EYS: variants seen among roughly 807,000 people sequenced by gnomAD.
The protein encoded by EYS is EGF-like photoreceptor maintenance factor.
In EYS, 250 loss-of-function variants were observed where a neutral mutation model predicts 282.1. That is an observed-to-expected ratio of 0.89 (90% CI 0.80 to 0.98). The LOEUF is 0.98. Among genes scored for constraint, EYS ranks in the 50% least tolerant of loss-of-function variants. The pLI, the probability that EYS is intolerant of heterozygous loss-of-function variation, is 0.00. For synonymous variants in EYS, 1,355 were observed against 1,282.9 expected (o/e 1.06, Z -1.20); for missense variants, 4,016 against 3,709.0 (o/e 1.08, Z -2.15).
intron 31 of EYS, among the ~76,000 whole-genome samples, chr6:64,176,495 A>G (rs1013982005): frequency 1.3e-5 from 2 of 150,194 alleles, no homozygotes; most frequent in Non-Finnish European, 3.0e-5. Flanking sequence ...TTAACATATC[A>G]CGATTGTGTG....
chr6:65,206,833 G>C (rs1331136562), intron 12 of EYS, among the ~76,000 whole-genome samples: 1 of 151,706 alleles, frequency 6.6e-6, no homozygotes, highest in Non-Finnish European at 1.5e-5. Context: ...ATTTCTTCAA[G>C]ATGAAAACCC....
chr6:64,672,455 G>A (rs1769497884), intron 22 of EYS, among the ~76,000 whole-genome samples: 1 of 152,048 alleles, frequency 6.6e-6, no homozygotes, highest in Non-Finnish European at 1.5e-5. Flanking sequence ...AGGTATAATG[G>A]GATTTGAACC....
chr6:63,799,926 C>G (rs558544019), intron 37 of EYS, among the ~76,000 whole-genome samples: 1 of 152,146 alleles, frequency 6.6e-6, no homozygotes, highest in African/African-American at 2.4e-5. Context: ...GTGGACTGAA[C>G]GAGAGCGATG....
chr6:65,636,465 A>G (rs1486820471), intron 2 of EYS, among the ~76,000 whole-genome samples: 1 of 152,202 alleles, frequency 6.6e-6, no homozygotes, highest in Non-Finnish European at 1.5e-5. Context: ...CCAACTAGCT[A>G]CATGGATATC....
At chr6:65,300,751 C>A (rs572415395) in intron 11 of EYS, 203 of 152,356 alleles carry the variant, frequency 1.3e-3, no homozygotes, top group African/African-American at 4.5e-3. Context: ...CTCTCAGAGT[C>A]TGTATTCTTT....
At chr6:65,263,651 A>G (rs1293430014) in intron 12 of EYS, among the ~76,000 whole-genome samples, 1 of 151,846 alleles carries the variant, frequency 6.6e-6, no homozygotes, top group Non-Finnish European at 1.5e-5. Context: ...CAAGTAGCTG[A>G]TTTACAAATA....
intron 5 of EYS, among the ~76,000 whole-genome samples, chr6:65,479,112 C>T (rs925155007): frequency 2.5e-4 from 36 of 145,942 alleles, no homozygotes; most frequent in African/African-American, 7.6e-4. Context: ...ATTTATCCAA[C>T]GAAATTATCT....
chr6:65,117,204 T>TGAACGAACC (rs1775401602), intron 12 of EYS, among the ~76,000 whole-genome samples: 1 of 152,178 alleles, frequency 6.6e-6, no homozygotes, highest in Non-Finnish European at 1.5e-5. Flanking sequence ...GTGAACCAAA[T>TGAACGAACC]GAACGAACCA....
chr6:65,601,516 GATA>G (rs1179445902), intron 2 of EYS, among the ~76,000 whole-genome samples: 5 of 151,546 alleles, frequency 3.3e-5, no homozygotes, highest in African/African-American at 9.7e-5. Context: ...TCAAAATATC[GATA>G]ATAAGAAATG....
chr6:64,141,742 G>A (rs1469007275), intron 31 of EYS, among the ~76,000 whole-genome samples: 1 of 152,072 alleles, frequency 6.6e-6, no homozygotes, highest in Non-Finnish European at 1.5e-5. Flanking sequence ...ATAAAACAAT[G>A]AGCAATATTT....
chr6:63,977,432 C>T (rs921312423), intron 35 of EYS, among the ~76,000 whole-genome samples: 7 of 151,952 alleles, frequency 4.6e-5, no homozygotes, highest in Non-Finnish European at 7.4e-5. Context: ...GCTTCCTGAT[C>T]GCAACTTGTT....
In EYS at chr6:64,886,688, T is replaced by C. The variant is rs886061680; in HGVS notation, c.2992+9A>G. 5.9e-6 allele frequency: 9 copies of C among 1,538,040 alleles called. No homozygotes were observed. The highest frequency in any genetic ancestry group is 1.4e-5 in the African/African-American group (1 of 72,308). On this transcript the variant is annotated intron_variant, in intron 19 of 42. Coordinates refer to ENST00000503581, the MANE Select transcript of EYS (RefSeq NM_001142800.2). ...TATGTTGCTGCACATGGGACAGATATGGATTTACCTGTATAACCAGGGGCA... is the reference window on the plus strand; with the variant it reads ...TATGTTGCTGCACATGGGACAGATACGGATTTACCTGTATAACCAGGGGCA...
intron 12 of EYS, among the ~76,000 whole-genome samples, chr6:65,114,274 TAAAAC>T (rs2150191016): frequency 6.6e-6 from 1 of 150,456 alleles, no homozygotes; most frequent in South Asian, 2.1e-4. Flanking sequence ...TCTTATGAAA[TAAAAC>T]AAACTATATT....
At chr6:65,105,114 T>G (rs1354258828) in intron 12 of EYS, among the ~76,000 whole-genome samples, 2 of 151,742 alleles carry the variant, frequency 1.3e-5, no homozygotes, top group Non-Finnish European at 3.0e-5. Flanking sequence ...ACTATTGTTT[T>G]GAAAAAAACT....
intron 26 of EYS, among the ~76,000 whole-genome samples, chr6:64,470,439 T>C (rs1174249144): frequency 6.6e-6 from 1 of 151,830 alleles, no homozygotes; most frequent in Non-Finnish European, 1.5e-5. Context: ...AAATAGAAAT[T>C]CTAGAATTGA....
intron 12 of EYS, among the ~76,000 whole-genome samples, chr6:65,176,854 A>T (rs1349754976): frequency 6.6e-6 from 1 of 151,746 alleles, no homozygotes; most frequent in Non-Finnish European, 1.5e-5. Flanking sequence ...ATACATGCTA[A>T]TTATAAATAA....
intron 29 of EYS, among the ~76,000 whole-genome samples, chr6:64,323,215 A>G (rs1017948227): frequency 2.2e-5 from 3 of 136,474 alleles, no homozygotes; most frequent in African/African-American, 8.2e-5. Flanking sequence ...TATTTCTTCA[A>G]TGCTAGGGAA....
intron 22 of EYS, among the ~76,000 whole-genome samples, chr6:64,675,419 TTTTTTTTTC>T (rs1769617393): frequency 1.2e-5 from 1 of 82,492 alleles, no homozygotes; most frequent in Admixed American, 1.4e-4. Flanking sequence ...CCTGTTTCTC[TTTTTTTTTC>T]TTTTTTTTTT....
chr6:65,533,760 T>G (rs1406559586), intron 2 of EYS, among the ~76,000 whole-genome samples: 1 of 152,178 alleles, frequency 6.6e-6, no homozygotes, highest in Non-Finnish European at 1.5e-5. Flanking sequence ...GCTGGCACCT[T>G]GATCTTGAAT....
Sources: gnomAD v4.1 joint callset for allele counts (sites outside exome capture counted in the v4.1 genomes callset) on GRCh38, gnomAD v4.1.1 for gene constraint, MANE v1.5 for transcripts, NCBI Gene and HGNC (gene_info 2026-07-23, HGNC 2026-07-21) for gene names.